The following AZIN1 variants were observed in gnomAD, a reference collection of about 807,000 sequenced individuals.
AZIN1 encodes the protein antizyme inhibitor 1, also known as ornithine decarboxylase antizyme inhibitor.
Under a neutral mutation model 47.4 loss-of-function variants are expected in AZIN1, and 12 were observed. The ratio of observed to expected loss-of-function variants is 0.25; its 90% CI spans 0.16 to 0.41. The LOEUF (loss-of-function observed/expected upper bound fraction) is 0.41. Among genes scored for constraint, AZIN1 ranks in the 10% least tolerant of loss-of-function variants. The pLI is 1.00. For missense variants in AZIN1, 410 were observed against 532.4 expected, an observed-to-expected ratio of 0.77 and a Z score of 2.26; for synonymous variants, 155 against 176.3, an observed-to-expected ratio of 0.88 and a Z score of 0.96.
At chr8:102,838,074 C>T (rs1216216308) in intron 5 of AZIN1, among the ~76,000 whole-genome samples, 1 of 152,102 alleles carries the variant, frequency 6.6e-6, no homozygotes, top group African/African-American at 2.4e-5. Flanking sequence ...GCTGGGATTA[C>T]AGGCGCAGGC....
intron 5 of AZIN1, among the ~76,000 whole-genome samples, chr8:102,837,053 G>T (rs1811868205): frequency 6.6e-6 from 1 of 152,080 alleles, no homozygotes; most frequent in East Asian, 1.9e-4. Context: ...AAAGTAGCTG[G>T]AAATACAAGG....
intron 2 of AZIN1, among the ~76,000 whole-genome samples, chr8:102,846,484 A>C (rs558620164): frequency 6.6e-6 from 1 of 152,292 alleles, no homozygotes; most frequent in African/African-American, 2.4e-5. Flanking sequence ...TAATTCTCTT[A>C]ACCCTTAAAA....
intron 5 of AZIN1, 123 bp from the exon 6 acceptor site, chr8:102,836,513 G>C (rs942181086): frequency 5.8e-6 from 6 of 1,034,580 alleles, no homozygotes; most frequent in South Asian, 4.6e-5. Flanking sequence ...AGCGACGGAT[G>C]AATCAAGTGA....
At chr8:102,837,983 G>A (rs928121963) in intron 5 of AZIN1, among the ~76,000 whole-genome samples, 3 of 152,122 alleles carry the variant, frequency 2.0e-5, no homozygotes, top group African/African-American at 7.2e-5. Context: ...GCCCAGGCTG[G>A]AGTGCAGTGG....
chr8:102,836,447 T>G, intron 5 of AZIN1, 57 bp from the exon 6 acceptor site: 1 of 1,548,206 alleles, frequency 6.5e-7, no homozygotes, highest in African/African-American at 1.4e-5. Context: ...TCAGCACATG[T>G]GAAGCCTGAA....
intron 1 of AZIN1, among the ~76,000 whole-genome samples, chr8:102,861,442 G>C (rs1189990946): frequency 6.6e-6 from 1 of 151,532 alleles, no homozygotes; most frequent in African/African-American, 2.4e-5. Context: ...TAGCCAGGCT[G>C]GTCTCCTGAC....
intron 9 of AZIN1, among the ~76,000 whole-genome samples, chr8:102,831,928 C>A (rs965322479): frequency 6.6e-6 from 1 of 152,070 alleles, no homozygotes; most frequent in African/African-American, 2.4e-5. Flanking sequence ...GTACTCCAGC[C>A]TGGGCGACAA....
chr8:102,841,665 CAA>C (rs1812188606), intron 3 of AZIN1, among the ~76,000 whole-genome samples: 1 of 151,810 alleles, frequency 6.6e-6, no homozygotes, highest in Non-Finnish European at 1.5e-5. Context: ...GACTTAAGGT[CAA>C]GAGAAGGAGA....
At position 102,839,717 on chromosome 8, in the gene AZIN1, C is replaced by T; in HGVS notation, c.209G>A (p.Cys70Tyr). The change falls in exon 4 of 12, where the codon TGC becomes TAC. Residue 70 changes from cysteine to tyrosine, a missense_variant. By Grantham distance (194) the Cys-to-Tyr change is radical. Coordinates refer to ENST00000337198, the MANE Select transcript of AZIN1 (RefSeq NM_148174.4). ...CTCAAGTACAGCTGGAGCAGAGTTG[C>T]ACTTCACTGTGTAGAATGGCTTTAT... is the stretch of plus-strand genomic sequence containing the variant. ...AQIKPFYTVKCNSAPAVLEIL... is the reference protein window; with the variant it reads ...AQIKPFYTVKYNSAPAVLEIL... 7 of 1,608,674 alleles carry T rather than the reference C, an allele frequency of 4.4e-6. 1 individual carries two copies. The South Asian group carries it at 7.8e-5, about 18-fold the overall frequency.
At position 102,841,645 on chromosome 8, in the gene AZIN1, C is replaced by T. The variant is rs149436639; in HGVS notation, c.103-1822G>A. Among the ~76,000 whole-genome samples the T allele has an allele frequency of 1.7e-3, 251 of 149,028 alleles. 1 individual carries two copies. The highest frequency in any genetic ancestry group is 5.8e-3 in the African/African-American group (241 of 41,244). ...TTTGCTAGGATGAGGGGAAGATGAACACGTCTGCAGACTTAAGGTCAAGAG... is the reference window on the plus strand; with the variant it reads ...TTTGCTAGGATGAGGGGAAGATGAATACGTCTGCAGACTTAAGGTCAAGAG... On this transcript the variant is annotated intron_variant, in intron 3 of 11. Transcript: ENST00000337198.
At chr8:102,830,073 A>G (rs1201576029) in intron 9 of AZIN1, 137 bp from the exon 10 acceptor site, 5 of 635,702 alleles carry the variant, frequency 7.9e-6, no homozygotes, top group Non-Finnish European at 1.4e-5. Context: ...AAAGGAAGAT[A>G]ACCAATGAGC....
At chr8:102,844,193 T>G (rs1208203259) in intron 2 of AZIN1, among the ~76,000 whole-genome samples, 1 of 152,166 alleles carries the variant, frequency 6.6e-6, no homozygotes, top group Non-Finnish European at 1.5e-5. Context: ...TGCCAGGTAA[T>G]TGCAGATAAA....
intron 2 of AZIN1, among the ~76,000 whole-genome samples, chr8:102,844,653 T>C (rs935387740): frequency 4.0e-5 from 6 of 150,980 alleles, no homozygotes; most frequent in South Asian, 2.1e-4. Context: ...AAAAAAATCA[T>C]AGAGCATATA....
At position 102,829,926 on chromosome 8, in the gene AZIN1, G is replaced by T. The variant is rs778645603; in HGVS notation, c.915C>A (p.Thr305=). ...NDKFPSGVEK[T]GSDEPAFMYY... is the part of the protein sequence containing the mutation. ...ACATGAAGGCTGGTTCATCACTTCCGGTTTTTTCTACTGGAATAAAACAGG... is the reference window on the plus strand; with the variant it reads ...ACATGAAGGCTGGTTCATCACTTCCTGTTTTTTCTACTGGAATAAAACAGG... Residue 305 remains threonine (T), a synonymous_variant, in exon 10 of 12, where the codon ACC becomes ACA. Transcript: ENST00000337198. 1 of 1,597,030 alleles carries T rather than the reference G, an allele frequency of 6.3e-7. No individual in the cohort carries two copies. Among genetic ancestry groups the T allele is most frequent in the East Asian group, 2.2e-5 (1 of 44,502 alleles).
chr8:102,858,731 G>A (rs1165777898), intron 1 of AZIN1, among the ~76,000 whole-genome samples: 2 of 152,078 alleles, frequency 1.3e-5, no homozygotes, highest in Admixed American at 1.3e-4. Context: ...AATAACTTGA[G>A]AACTTCCTTA....
intron 3 of AZIN1, among the ~76,000 whole-genome samples, chr8:102,840,168 T>C (rs1279710143): frequency 6.6e-6 from 1 of 152,224 alleles, no homozygotes; most frequent in Non-Finnish European, 1.5e-5. Context: ...AGGGAACCTA[T>C]TTTCTCCCAT....
rs1811817840 is a variant in AZIN1, at chr8:102,836,278, CAAGTT to C, written c.557_561del (p.Glu186GlyfsTer8). On this transcript the variant is annotated frameshift_variant, in exon 6 of 12. Coordinates refer to ENST00000337198, the MANE Select transcript of AZIN1 (RefSeq NM_148174.4). LOFTEE classifies it high-confidence loss of function. ...CACTTAACCCCAATTATTTGGACAT[CAAGTT>C]CCTTAGCACATTCCAAGAGATGCCT... 1 of 1,613,796 alleles carries C rather than the reference CAAGTT, an allele frequency of 6.2e-7. No individual in the cohort carries two copies. Among genetic ancestry groups the C allele is most frequent in the African/African-American group, 1.3e-5 (1 of 74,914 alleles).
chr8:102,863,057 G>C (rs1048848913), intron 1 of AZIN1, among the ~76,000 whole-genome samples: 2 of 152,236 alleles, frequency 1.3e-5, no homozygotes, highest in East Asian at 1.9e-4. Flanking sequence ...ACTGGGGTGA[G>C]TGAAGGCGAC....
At chr8:102,835,805 C>T (rs1442466207) in intron 6 of AZIN1, among the ~76,000 whole-genome samples, 1 of 152,030 alleles carries the variant, frequency 6.6e-6, no homozygotes, top group Non-Finnish European at 1.5e-5. Flanking sequence ...AGGCTATTAT[C>T]AAGTATTTGA....
Sources: allele counts gnomAD v4.1 joint callset (sites outside exome capture counted in the v4.1 genomes callset), GRCh38; gene constraint gnomAD v4.1.1; transcripts MANE v1.5; gene names NCBI Gene and HGNC (gene_info 2026-07-23, HGNC 2026-07-21).